Variants in MRPS6 observed in about 807,000 individuals in gnomAD.
MRPS6 encodes small ribosomal subunit protein bS6m.
A neutral mutation model predicts 13.1 loss-of-function variants in MRPS6; 6 were observed. The ratio of observed to expected loss-of-function variants is 0.46; its 90% CI spans 0.25 to 0.91. The LOEUF is 0.91. MRPS6 is among the 40% of genes least tolerant of loss of function. The pLI, the probability that MRPS6 is intolerant of heterozygous loss-of-function variation, is 0.18. For synonymous variants in MRPS6, 61 were observed against 56.5 expected (o/e 1.08, Z -0.36); for missense variants, 164 against 155.6 (o/e 1.05, Z -0.29).
chr21:34,142,526 C>G lies in MRPS6; in HGVS notation c.304C>G (p.Leu102Val). ...TGTCAAACACCCTCTGACCCAGGAA[C>G]TAAAAGAATGTGAAGGGATTGTCCC... ...NIVKHPLTQELKECEGIVPVP... is the reference protein window; with the variant it reads ...NIVKHPLTQEVKECEGIVPVP... The change falls in exon 3 of 3, where the codon CTA becomes GTA. Residue 102 changes from leucine (L) to valine (V), a missense_variant. By Grantham distance (32) the Leu-to-Val change is conservative (BLOSUM62 1). Coordinates refer to ENST00000399312, the MANE Select transcript of MRPS6 (RefSeq NM_032476.4). 6.2e-7 allele frequency: 1 copy of G among 1,613,244 alleles called. No individual in the cohort carries two copies. Among genetic ancestry groups the G allele is most frequent in the Non-Finnish European group, 8.5e-7 (1 of 1,179,678 alleles).
chr21:34,141,028 A>T (rs1240283672), intron 2 of MRPS6, among the ~76,000 whole-genome samples: 6 of 152,240 alleles, frequency 3.9e-5, no homozygotes, highest in African/African-American at 1.4e-4. Flanking sequence ...TTTGTCTGGA[A>T]TTACACAAAA....
chr21:34,081,571 G>A (rs1989460120), intron 1 of MRPS6, among the ~76,000 whole-genome samples: 1 of 152,168 alleles, frequency 6.6e-6, no homozygotes, highest in Admixed American at 6.5e-5. Context: ...AGACTAGAAG[G>A]AGCTTTAGAG....
intron 2 of MRPS6, among the ~76,000 whole-genome samples, chr21:34,137,299 T>C (rs1482728853): frequency 6.6e-6 from 1 of 152,246 alleles, no homozygotes; most frequent in African/African-American, 2.4e-5. Context: ...TTGAGTCTTC[T>C]TACCCGTGAA....
At chr21:34,079,205 A>G (rs1014640471) in intron 1 of MRPS6, among the ~76,000 whole-genome samples, 4 of 152,206 alleles carry the variant, frequency 2.6e-5, no homozygotes, top group Non-Finnish European at 5.9e-5. Flanking sequence ...AAAAACAGCA[A>G]TACTTTATGG....
At chr21:34,135,961 A>T in intron 2 of MRPS6, 1 of 381,302 alleles carries the variant, frequency 2.6e-6, no homozygotes, top group South Asian at 2.9e-5. Flanking sequence ...AATGTCACTG[A>T]TCTGCATATC....
rs1326958501 is a variant in MRPS6 at position 34,095,421 on chromosome 21, A to G, written c.45+21676A>G. On this transcript the variant is annotated intron_variant, in intron 1 of 2. Transcript: ENST00000399312. ...TGGGCTGGCAGGATCTGGAGCTGCA[A>G]GTGGATTTGCAGTGGGCGCATGGGA... 4 of 1,614,152 alleles carry G rather than the reference A, an allele frequency of 2.5e-6. No individual in the cohort carries two copies. The Admixed American group carries it at 5.0e-5, about 20-fold the overall frequency.
intron 1 of MRPS6, among the ~76,000 whole-genome samples, chr21:34,107,131 C>T (rs1979513916): frequency 6.6e-6 from 1 of 152,168 alleles, no homozygotes; most frequent in African/African-American, 2.4e-5. Context: ...ATGGTTTTGC[C>T]ATGTTGGCCA....
At chr21:34,117,680 A>G (rs936532099) in intron 1 of MRPS6, among the ~76,000 whole-genome samples, 11 of 152,204 alleles carry the variant, frequency 7.2e-5, no homozygotes, top group Middle Eastern at 3.4e-3. Flanking sequence ...CAAAATGGCA[A>G]TTTCCTAAGT....
chr21:34,090,501 G>A (rs1569415182), intron 1 of MRPS6, among the ~76,000 whole-genome samples: 1 of 152,210 alleles, frequency 6.6e-6, no homozygotes, highest in Non-Finnish European at 1.5e-5. Flanking sequence ...AGTCTAAAAT[G>A]TTTGAGAGAG....
At chr21:34,132,633 A>G (rs940646801) in intron 2 of MRPS6, among the ~76,000 whole-genome samples, 2 of 152,180 alleles carry the variant, frequency 1.3e-5, no homozygotes, top group Non-Finnish European at 2.9e-5. Context: ...AGGTAGCAAG[A>G]GATACAGTAT....
At chr21:34,095,062 C>A in intron 1 of MRPS6, 1 of 1,008,204 alleles carries the variant, frequency 9.9e-7, no homozygotes, top group Non-Finnish European at 1.3e-6. Context: ...AACCAAAGGA[C>A]AAAGACTTTG....
chr21:34,141,147 T>G (rs116245672), intron 2 of MRPS6, among the ~76,000 whole-genome samples: 3,194 of 152,294 alleles, frequency 0.021, 109 homozygotes, highest in African/African-American at 0.072. Flanking sequence ...ACCATCACGG[T>G]CAAAGATTTA....
At chr21:34,104,832 G>A in intron 1 of MRPS6, 1 of 999,990 alleles carries the variant, frequency 1.0e-6, no homozygotes. Context: ...ACCTTTACAT[G>A]TTTTTAAATT....
Position 34,119,339 on chromosome 21 carries a change from C to T in MRPS6, c.46-6002C>T, listed in dbSNP as rs1482149008. 2.6e-5 allele frequency among the ~76,000 whole-genome samples: 4 copies of T among 152,138 alleles called. No homozygotes were observed. In the East Asian group the frequency reaches 5.8e-4, roughly 22 times the overall value. On this transcript the variant is annotated intron_variant, in intron 1 of 2. Transcript: ENST00000399312. ...ATTTGACTGTTGAAAAGTTAGGGCT[C>T]ACAGATTTTCAGATTGCTGTGAGAA...
intron 1 of MRPS6, among the ~76,000 whole-genome samples, chr21:34,082,173 TG>T (rs1321331961): frequency 3.3e-5 from 5 of 152,196 alleles, no homozygotes; most frequent in African/African-American, 1.2e-4. Flanking sequence ...GATAATTAGC[TG>T]TAGGTTGTCT....
At chr21:34,099,926 A>G (rs907916877) in intron 1 of MRPS6, 20 of 359,416 alleles carry the variant, frequency 5.6e-5, no homozygotes, top group African/African-American at 4.2e-4. Context: ...TTGCAACTTA[A>G]TTCAGGGACC....
At chr21:34,099,529 C>T in intron 1 of MRPS6, 1 of 999,138 alleles carries the variant, frequency 1.0e-6, no homozygotes, top group Non-Finnish European at 1.2e-6. Context: ...CTGTGTAATT[C>T]ACTGATAATT....
chr21:34,091,718 G>A (rs1318282344), intron 1 of MRPS6, among the ~76,000 whole-genome samples: 1 of 152,160 alleles, frequency 6.6e-6, no homozygotes, highest in Non-Finnish European at 1.5e-5. Context: ...TTCTGAGAAG[G>A]ATGCCTTCTC....
At chr21:34,074,042 C>T (rs1252128741) in intron 1 of MRPS6, among the ~76,000 whole-genome samples, 2 of 146,420 alleles carry the variant, frequency 1.4e-5, no homozygotes, top group African/African-American at 4.9e-5. Context: ...CGGGCCCCGA[C>T]CCCGATCCCG....
Sources: allele counts gnomAD v4.1 joint callset (sites outside exome capture counted in the v4.1 genomes callset), GRCh38; gene constraint gnomAD v4.1.1; transcripts MANE v1.5; gene names NCBI Gene and HGNC (gene_info 2026-07-23, HGNC 2026-07-21).